C12orf42: variants seen among roughly 807,000 people sequenced by gnomAD.
The protein encoded by C12orf42 is chromosome 12 open reading frame 42.
Under a neutral mutation model 21.6 loss-of-function variants are expected in C12orf42, and 25 were observed. The ratio of observed to expected loss-of-function variants is 1.16; its 90% CI spans 0.84 to 1.62. C12orf42 has a LOEUF of 1.62. Among genes scored for constraint, C12orf42 ranks in the 40% most tolerant of loss-of-function variants. The pLI is 0.00. For missense variants in C12orf42, 483 were observed against 459.3 expected (o/e 1.05, Z -0.47); for synonymous variants, 174 against 175.0 (o/e 0.99, Z 0.05).
chr12:103,422,833 T>TA lies in C12orf42; in HGVS notation c.79-21159dup, dbSNP rs75586729. Among the ~76,000 whole-genome samples the TA allele has an allele frequency of 5.7e-3, 767 of 134,654 alleles. 7 individuals are homozygous for TA. Among genetic ancestry groups the TA allele is most frequent in the African/African-American group, 0.015 (562 of 36,670 alleles). The allele number at this position is 134,654 out of a possible 152,430, so 88.3% of individuals were successfully genotyped here. On this transcript the variant is annotated intron_variant, in intron 2 of 5. Transcript: ENST00000548883. ...AAACTAAATTGCAACCTGGGAACAT[T>TA]AAAAAAAAAAAAAAGACACAACACC...
the C12orf42 span, among the ~76,000 whole-genome samples, chr12:103,196,673 A>G: frequency 6.6e-6 from 1 of 151,854 alleles, no homozygotes; most frequent in Non-Finnish European, 1.5e-5. Context: ...ATTACGCAAT[A>G]CCCTTATTTG....
the C12orf42 span, among the ~76,000 whole-genome samples, chr12:103,095,431 C>A: frequency 3.9e-5 from 6 of 152,192 alleles, no homozygotes; most frequent in Admixed American, 3.9e-4. Flanking sequence ...TCTGCCTTAG[C>A]TCCTGTGCCC....
intron 2 of C12orf42, among the ~76,000 whole-genome samples, chr12:103,420,629 A>T (rs892629999): frequency 2.0e-5 from 3 of 151,954 alleles, no homozygotes; most frequent in African/African-American, 7.3e-5. Context: ...TCCCTGGTTC[A>T]TGTGATTCTC....
At chr12:103,458,818 G>A (rs976031255) in intron 2 of C12orf42, among the ~76,000 whole-genome samples, 1 of 152,098 alleles carries the variant, frequency 6.6e-6, no homozygotes, top group Non-Finnish European at 1.5e-5. Context: ...AACTATACAG[G>A]TGACCACAGG....
the C12orf42 span, among the ~76,000 whole-genome samples, chr12:103,553,275 T>C: frequency 6.6e-6 from 1 of 152,204 alleles, no homozygotes; most frequent in South Asian, 2.1e-4. Flanking sequence ...ACTGGTCGAA[T>C]CCTACCTTTT....
At chr12:103,086,689 C>T in the C12orf42 span, among the ~76,000 whole-genome samples, 1 of 151,856 alleles carries the variant, frequency 6.6e-6, no homozygotes, top group Non-Finnish European at 1.5e-5. Flanking sequence ...ACCCCAATAA[C>T]TCAAGGGAAA....
chr12:103,210,639 C>CTTTTTTT, the C12orf42 span, among the ~76,000 whole-genome samples: 725 of 76,028 alleles, frequency 9.5e-3, no homozygotes, highest in Middle Eastern at 0.02. Flanking sequence ...CCCTCTATTT[C>CTTTTTTT]TTTTTTTTTT....
intron 2 of C12orf42, among the ~76,000 whole-genome samples, chr12:103,411,941 T>C (rs937223657): frequency 3.9e-5 from 6 of 152,124 alleles, no homozygotes; most frequent in Non-Finnish European, 8.8e-5. Context: ...GGCTATAACA[T>C]ACTTCTACTC....
the C12orf42 span, among the ~76,000 whole-genome samples, chr12:103,187,519 T>C: frequency 6.6e-6 from 1 of 152,240 alleles, no homozygotes; most frequent in Non-Finnish European, 1.5e-5. Flanking sequence ...GACATGATCA[T>C]GGCAAGTAAA....
At chr12:103,068,495 C>T in the C12orf42 span, among the ~76,000 whole-genome samples, 1 of 152,022 alleles carries the variant, frequency 6.6e-6, no homozygotes, top group Non-Finnish European at 1.5e-5. Flanking sequence ...ATGGTTAATA[C>T]TGAGTGTCAA....
chr12:103,266,032 A>G (rs2035152994), downstream of C12orf42, among the ~76,000 whole-genome samples: 1 of 152,110 alleles, frequency 6.6e-6, no homozygotes, highest in Admixed American at 6.6e-5. Flanking sequence ...GAACATGATC[A>G]TTGCCTGTAA....
At chr12:103,173,014 G>A in the C12orf42 span, among the ~76,000 whole-genome samples, 114 of 152,176 alleles carry the variant, frequency 7.5e-4, no homozygotes, top group Non-Finnish European at 1.4e-3. Flanking sequence ...TTCTCTCCAG[G>A]AAATAAATGT....
At chr12:103,411,464 T>C (rs1186615059) in intron 2 of C12orf42, among the ~76,000 whole-genome samples, 1 of 152,214 alleles carries the variant, frequency 6.6e-6, no homozygotes, top group Non-Finnish European at 1.5e-5. Context: ...CAAACAATTA[T>C]TGCTATAATC....
chr12:103,315,450 A>G (rs1461928905), intron 4 of C12orf42, among the ~76,000 whole-genome samples: 1 of 152,230 alleles, frequency 6.6e-6, no homozygotes, highest in Admixed American at 6.5e-5. Context: ...CAATGGGTTC[A>G]TCTGTAGTTT....
At chr12:103,075,450 C>A in the C12orf42 span, among the ~76,000 whole-genome samples, 5 of 152,202 alleles carry the variant, frequency 3.3e-5, no homozygotes, top group Non-Finnish European at 7.3e-5. Flanking sequence ...TGAGTGATTA[C>A]ATTTTCCAAG....
At chr12:103,171,232 C>A in the C12orf42 span, among the ~76,000 whole-genome samples, 1 of 152,116 alleles carries the variant, frequency 6.6e-6, no homozygotes, top group African/African-American at 2.4e-5. Flanking sequence ...TTCATTATAT[C>A]ACTTATCAAT....
intron 4 of C12orf42, among the ~76,000 whole-genome samples, chr12:103,327,016 T>C (rs969179612): frequency 6.6e-6 from 1 of 152,180 alleles, no homozygotes; most frequent in Non-Finnish European, 1.5e-5. Context: ...ATTTGGAACA[T>C]TAATCAATAA....
At chr12:103,500,099 A>G (rs1426715811), upstream of C12orf42, among the ~76,000 whole-genome samples, 1 of 152,224 alleles carries the variant, frequency 6.6e-6, no homozygotes, top group Non-Finnish European at 1.5e-5. Context: ...AACTGTTACT[A>G]TGGCTAACAC....
At chr12:103,236,602 C>T (rs1387172625), downstream of C12orf42, among the ~76,000 whole-genome samples, 4 of 152,076 alleles carry the variant, frequency 2.6e-5, no homozygotes, top group Admixed American at 6.6e-5. Context: ...CTTGAATGAC[C>T]AAGATTTCAT....
Sources: gnomAD v4.1 joint callset for allele counts (sites outside exome capture counted in the v4.1 genomes callset) on GRCh38, gnomAD v4.1.1 for gene constraint, MANE v1.5 for transcripts, NCBI Gene and HGNC (gene_info 2026-07-23, HGNC 2026-07-21) for gene names.